The following WIPF2 variants were observed in gnomAD, a reference collection of about 807,000 sequenced individuals.
The protein encoded by WIPF2 is WAS/WASL-interacting protein family member 2.
In WIPF2, 23 loss-of-function variants were observed where a neutral mutation model predicts 38.8. The observed-to-expected ratio is 0.59, with a 90% CI of 0.43 to 0.84. The LOEUF is 0.84. Ranked by LOEUF, WIPF2 falls within the 40% of genes least tolerant of loss-of-function variation. WIPF2 has a pLI of 0.00. For synonymous variants in WIPF2, 210 were observed against 223.2 expected, an observed-to-expected ratio of 0.94 and a Z score of 0.53; for missense variants, 574 against 580.5, an observed-to-expected ratio of 0.99 and a Z score of 0.11.
chr17:40,227,865 CAAAA>C (rs1443550973), intron 1 of WIPF2, among the ~76,000 whole-genome samples: 1 of 148,926 alleles, frequency 6.7e-6, no homozygotes, highest in African/African-American at 2.5e-5. Context: ...AAACAAAAAA[CAAAA>C]AAAGTTTGTT....
chr17:40,271,699 C>A lies in WIPF2; in HGVS notation c.971-2091C>A, dbSNP rs1218041384. Among the ~76,000 whole-genome samples the A allele has an allele frequency of 3.3e-5, 5 of 152,210 alleles. No homozygotes were observed. The South Asian group carries it at 1.0e-3, about 32-fold the overall frequency. On this transcript the variant is annotated intron_variant, in intron 5 of 7. Coordinates refer to ENST00000323571, the MANE Select transcript of WIPF2 (RefSeq NM_133264.5). ...GTGACCTTAAACAAATAACCTGAGTCCCAGTTTTCTCATTTGTGAAATGGG... is the reference window on the plus strand; with the variant it reads ...GTGACCTTAAACAAATAACCTGAGTACCAGTTTTCTCATTTGTGAAATGGG...
chr17:40,228,237 G>C (rs2030583497), intron 1 of WIPF2, among the ~76,000 whole-genome samples: 1 of 150,988 alleles, frequency 6.6e-6, no homozygotes. Context: ...GGATGGTCTC[G>C]ATCTCCTGAC....
At chr17:40,220,211 A>C (rs940193280) in intron 1 of WIPF2, among the ~76,000 whole-genome samples, 5 of 151,664 alleles carry the variant, frequency 3.3e-5, no homozygotes, top group African/African-American at 1.2e-4. Flanking sequence ...TCCTGGGCTC[A>C]AGCGATCTTC....
Position 40,278,489 on chromosome 17 carries a change from C to G in WIPF2, c.*264C>G, listed in dbSNP as rs189353615. The G allele has an allele frequency of 2.5e-5, 12 of 488,474 alleles. No homozygotes were observed. The Admixed American group carries it at 2.5e-4, about 10-fold the overall frequency. The allele number at this position is 488,474 out of a possible 1,614,324, so 30.3% of individuals were successfully genotyped here. Reference sequence around the variant, plus strand: ...CAAGCCCTGCTAGCCACATGAGGAACAAGTTTCCGTGTCTTCTGCCTTCCT... The same window carrying G: ...CAAGCCCTGCTAGCCACATGAGGAAGAAGTTTCCGTGTCTTCTGCCTTCCT... On this transcript the variant is annotated 3_prime_UTR_variant, in exon 8 of 8. Transcript: ENST00000323571.
At chr17:40,257,700 C>A (rs1644083961) in intron 2 of WIPF2, among the ~76,000 whole-genome samples, 1 of 141,456 alleles carries the variant, frequency 7.1e-6, no homozygotes, top group African/African-American at 2.7e-5. Context: ...GAGCTGAGAT[C>A]ATGCCGCACT....
chr17:40,248,421 G>A (rs1051524267), intron 1 of WIPF2, among the ~76,000 whole-genome samples: 7 of 151,774 alleles, frequency 4.6e-5, no homozygotes, highest in East Asian at 1.9e-4. Context: ...CGTCCGCCTC[G>A]GCCTCCCAAA....
intron 1 of WIPF2, chr17:40,220,571 GTGTATATATATA>G (rs2030138459): frequency 1.2e-5 from 1 of 85,650 alleles, no homozygotes; most frequent in African/African-American, 5.0e-5. Flanking sequence ...ACGTGTGTGT[GTGTATATATATA>G]TATATATATA....
At chr17:40,230,945 T>C (rs988644131) in intron 1 of WIPF2, among the ~76,000 whole-genome samples, 9 of 152,166 alleles carry the variant, frequency 5.9e-5, no homozygotes, top group African/African-American at 2.2e-4. Flanking sequence ...TAATTCTGAA[T>C]ATATGAAAGT....
At position 40,264,739 on chromosome 17, in the gene WIPF2, C is replaced by T; in HGVS notation, c.563C>T (p.Ala188Val). 6.2e-7 allele frequency: 1 copy of T among 1,606,938 alleles called. No homozygotes were observed. Among genetic ancestry groups the T allele is most frequent in the Non-Finnish European group, 8.5e-7 (1 of 1,176,612 alleles). The change falls in exon 5 of 8, where the codon GCA (alanine) becomes GTA (valine). Residue 188 changes from alanine to valine, a missense_variant. Transcript: ENST00000323571. The part of the protein sequence containing the change: ...PPPPPGRRAN[A>V]PPTPLPMHSS... ...CCACCCCCAGGGCGGCGTGCCAACGCACCCCCCACACCTCTGCCTATGCAC... is the reference window on the plus strand; with the variant it reads ...CCACCCCCAGGGCGGCGTGCCAACGTACCCCCCACACCTCTGCCTATGCAC...
intron 1 of WIPF2, among the ~76,000 whole-genome samples, chr17:40,223,125 T>A (rs2030323339): frequency 6.6e-6 from 1 of 151,938 alleles, no homozygotes; most frequent in Non-Finnish European, 1.5e-5. Flanking sequence ...TAGTAGAATG[T>A]AGTGTTTGTT....
At chr17:40,237,991 G>A (rs111516444) in intron 1 of WIPF2, among the ~76,000 whole-genome samples, 16 of 149,426 alleles carry the variant, frequency 1.1e-4, no homozygotes, top group African/African-American at 2.5e-4. Context: ...GCTTGAACCC[G>A]GGAGGCGGAG....
At chr17:40,249,220 AAAGG>A (rs1163377609) in intron 1 of WIPF2, among the ~76,000 whole-genome samples, 8 of 152,186 alleles carry the variant, frequency 5.3e-5, no homozygotes, top group African/African-American at 1.9e-4. Context: ...CCATTTGAAT[AAAGG>A]CCCCAGATTG....
chr17:40,232,720 A>AGATGGTT (rs2030800429), intron 1 of WIPF2, among the ~76,000 whole-genome samples: 1 of 147,156 alleles, frequency 6.8e-6, no homozygotes, highest in Non-Finnish European at 1.5e-5. Flanking sequence ...GCTCACTGCA[A>AGATGGTT]CCTCTGCCTC....
Position 40,278,261 on chromosome 17 carries a change from G to A in WIPF2, c.*36G>A, listed in dbSNP as rs569921745. On this transcript the variant is annotated 3_prime_UTR_variant, in exon 8 of 8. Transcript: ENST00000323571. ...GGTCCCGTTCCTCAGGAAAAGGATGGACCTTCTCTTCTTCTCAGATGGTCC... is the reference window on the plus strand; with the variant it reads ...GGTCCCGTTCCTCAGGAAAAGGATGAACCTTCTCTTCTTCTCAGATGGTCC... The A allele has an allele frequency of 1.2e-6, 2 of 1,610,476 alleles. No homozygotes were observed. The highest frequency in any genetic ancestry group is 2.2e-5 in the East Asian group (1 of 44,822).
intron 2 of WIPF2, among the ~76,000 whole-genome samples, chr17:40,256,826 C>A (rs1257993837): frequency 3.3e-5 from 5 of 152,100 alleles, no homozygotes; most frequent in Admixed American, 3.3e-4. Flanking sequence ...CTCTTAGGAT[C>A]ATAATGGCAT....
At chr17:40,260,268 A>C (rs369779277) in intron 2 of WIPF2, among the ~76,000 whole-genome samples, 4 of 139,234 alleles carry the variant, frequency 2.9e-5, no homozygotes. Flanking sequence ...GCTCACTGCA[A>C]CCTCCACCTC....
intron 1 of WIPF2, among the ~76,000 whole-genome samples, chr17:40,250,205 G>A (rs1335036271): frequency 1.4e-5 from 2 of 138,734 alleles, no homozygotes; most frequent in South Asian, 2.3e-4. Context: ...GATGTGCAAA[G>A]CGAATTTTAT....
At position 40,283,645 on chromosome 17, in the gene WIPF2, T is replaced by C. The variant is rs532802875; in HGVS notation, c.*5420T>C. The C allele has an allele frequency of 2.1e-4, 32 of 152,320 alleles. No individual in the cohort carries two copies. The highest frequency in any genetic ancestry group is 8.5e-4 in the Admixed American group (13 of 15,288). 9.4% of individuals were successfully genotyped at this position (152,320 alleles called of 1,614,324 possible). A position where few individuals can be genotyped will look rare whatever the true frequency, so the allele number is the denominator to read the frequency against. On this transcript the variant is annotated 3_prime_UTR_variant, in exon 8 of 8. Transcript: ENST00000323571. ...TGTGACCTTTTCCTTGAATCTCTTATAATTCTTTCTACCTGTGTTGCATGG... is the reference window on the plus strand; with the variant it reads ...TGTGACCTTTTCCTTGAATCTCTTACAATTCTTTCTACCTGTGTTGCATGG...
At chr17:40,223,394 T>G (rs374174508) in intron 1 of WIPF2, among the ~76,000 whole-genome samples, 4 of 152,170 alleles carry the variant, frequency 2.6e-5, no homozygotes, top group South Asian at 4.1e-4. Flanking sequence ...ACTAGAGTAG[T>G]GTTTACCCTA....
Sources: gnomAD v4.1 joint callset for allele counts (sites outside exome capture counted in the v4.1 genomes callset) on GRCh38, gnomAD v4.1.1 for gene constraint, MANE v1.5 for transcripts, NCBI Gene and HGNC (gene_info 2026-07-23, HGNC 2026-07-21) for gene names.